VRK2: variants seen among roughly 807,000 people sequenced by gnomAD.
VRK2 encodes the protein serine/threonine-protein kinase VRK2.
VRK2 carries 60 observed loss-of-function variants against 57.6 expected under a neutral mutation model. The ratio of observed to expected loss-of-function variants is 1.04; its 90% CI spans 0.85 to 1.29. VRK2 has a LOEUF of 1.29. Among genes scored for constraint, VRK2 ranks in the 50% most tolerant of loss-of-function variants. The pLI is 0.00. For missense variants in VRK2, 705 were observed against 588.1 expected, an observed-to-expected ratio of 1.20 and a Z score of -2.06; for synonymous variants, 231 against 199.2, an observed-to-expected ratio of 1.16 and a Z score of -1.35.
At chr2:57,949,382 T>C (rs770841851) in intron 1 of VRK2, among the ~76,000 whole-genome samples, 4 of 152,208 alleles carry the variant, frequency 2.6e-5, no homozygotes, top group Non-Finnish European at 4.4e-5. Context: ...TTTCTCTGTA[T>C]CACATTTTGG....
chr2:58,137,098 CAT>C (rs1227537068), intron 10 of VRK2, among the ~76,000 whole-genome samples: 101 of 114,958 alleles, frequency 8.8e-4, no homozygotes, highest in African/African-American at 2.0e-3. Context: ...GTGTATATAT[CAT>C]ATATATAACA....
intron 7 of VRK2, among the ~76,000 whole-genome samples, chr2:58,092,680 A>G (rs986010153): frequency 1.3e-5 from 2 of 151,772 alleles, no homozygotes; most frequent in Admixed American, 6.6e-5. Flanking sequence ...TTTTTTTTCC[A>G]TACTTTAAGT....
chr2:58,147,100 T>C (rs1018313012), intron 12 of VRK2: 2 of 511,126 alleles, frequency 3.9e-6, no homozygotes, highest in Non-Finnish European at 7.8e-6. Flanking sequence ...GTTTACAGTA[T>C]GAAACAGGAT....
intron 1 of VRK2, among the ~76,000 whole-genome samples, chr2:57,916,197 A>G (rs975444415): frequency 2.0e-5 from 3 of 152,102 alleles, no homozygotes; most frequent in Non-Finnish European, 4.4e-5. Context: ...ACTTGAGGTC[A>G]GGAGTTCGAG....
chr2:57,976,737 G>A (rs1000344531), intron 1 of VRK2, among the ~76,000 whole-genome samples: 5 of 152,000 alleles, frequency 3.3e-5, no homozygotes, highest in Non-Finnish European at 5.9e-5. Flanking sequence ...GGTCCCACTT[G>A]TCTACTTTTG....
At chr2:57,908,073 T>A (rs1572846195) in intron 1 of VRK2, among the ~76,000 whole-genome samples, 1 of 152,054 alleles carries the variant, frequency 6.6e-6, no homozygotes, top group East Asian at 1.9e-4. Flanking sequence ...CAAGAGGGGA[T>A]CAAGAGATTT....
At chr2:58,074,482 G>C (rs534048332) in intron 2 of VRK2, among the ~76,000 whole-genome samples, 1 of 151,810 alleles carries the variant, frequency 6.6e-6, no homozygotes, top group Non-Finnish European at 1.5e-5. Flanking sequence ...GGTTGATTTA[G>C]AGTTTGCAGG....
intron 1 of VRK2, among the ~76,000 whole-genome samples, chr2:58,006,769 T>C (rs1426646752): frequency 6.6e-6 from 1 of 152,104 alleles, no homozygotes; most frequent in South Asian, 2.1e-4. Context: ...GGCTATTTAA[T>C]TATGGGTGTT....
At chr2:58,061,273 T>C (rs1213984150) in intron 2 of VRK2, among the ~76,000 whole-genome samples, 1 of 151,814 alleles carries the variant, frequency 6.6e-6, no homozygotes, top group Non-Finnish European at 1.5e-5. Context: ...TAAGTTAGAG[T>C]TTATTAGTGT....
chr2:58,115,981 G>A (rs1676409258), intron 7 of VRK2, among the ~76,000 whole-genome samples: 1 of 152,166 alleles, frequency 6.6e-6, no homozygotes, highest in Non-Finnish European at 1.5e-5. Flanking sequence ...ACCACGGGGT[G>A]GATAGGCAAA....
At chr2:58,122,229 G>C (rs1237100939) in intron 7 of VRK2, among the ~76,000 whole-genome samples, 1 of 152,122 alleles carries the variant, frequency 6.6e-6, no homozygotes, top group Middle Eastern at 3.2e-3. Context: ...TGTTAAAGGA[G>C]ACTCATAACA....
At chr2:57,968,821 A>C (rs745721766) in intron 1 of VRK2, among the ~76,000 whole-genome samples, 20 of 152,116 alleles carry the variant, frequency 1.3e-4, no homozygotes, top group Non-Finnish European at 2.8e-4. Flanking sequence ...AAAACATCAA[A>C]TTCATGGAAT....
intron 7 of VRK2, among the ~76,000 whole-genome samples, chr2:58,104,057 G>A (rs974226793): frequency 1.3e-5 from 2 of 151,552 alleles, no homozygotes; most frequent in African/African-American, 4.8e-5. Flanking sequence ...CAAACCAGAC[G>A]TAGAAGGAAC....
chr2:58,152,037 G>A (rs2104692629), intron 12 of VRK2, among the ~76,000 whole-genome samples: 1 of 151,586 alleles, frequency 6.6e-6, no homozygotes, highest in South Asian at 2.1e-4. Context: ...GAAATATAAT[G>A]CAAGCCACAT....
At chr2:57,930,533 T>C (rs927367312) in intron 1 of VRK2, among the ~76,000 whole-genome samples, 2 of 152,186 alleles carry the variant, frequency 1.3e-5, no homozygotes, top group African/African-American at 4.8e-5. Flanking sequence ...GGTACTTTGA[T>C]TGCTTGCTTG....
At chr2:58,069,529 C>T (rs1287244971) in intron 2 of VRK2, among the ~76,000 whole-genome samples, 1 of 152,034 alleles carries the variant, frequency 6.6e-6, no homozygotes, top group Non-Finnish European at 1.5e-5. Flanking sequence ...TTGCCATGCA[C>T]CTGTGTCTGC....
chr2:58,076,487 A>C (rs7587229), intron 2 of VRK2, among the ~76,000 whole-genome samples: 3,954 of 152,110 alleles, frequency 0.026, 168 homozygotes, highest in African/African-American at 0.091. Context: ...TACTGAATGC[A>C]CAGTGCTTTT....
At position 58,144,184 on chromosome 2, in the gene VRK2, T is replaced by TAAAA. The variant is rs760922312; in HGVS notation, c.1024-2127_1024-2124dup. Among the ~76,000 whole-genome samples the TAAAA allele has an allele frequency of 7.6e-4, 116 of 151,642 alleles. 1 individual carries two copies. Among genetic ancestry groups the TAAAA allele is most frequent in the Non-Finnish European group, 1.3e-3 (85 of 67,784 alleles). ...TATGATCTCATTTATAGGTGGAATC[T>TAAAA]AAAAAAAATAATAAACTTATGAAAG... is the stretch of plus-strand genomic sequence containing the variant. On this transcript the variant is annotated intron_variant, in intron 11 of 12. Coordinates refer to ENST00000340157, the MANE Select transcript of VRK2 (RefSeq NM_006296.7).
At chr2:58,099,936 A>T (rs958946155) in intron 7 of VRK2, among the ~76,000 whole-genome samples, 1 of 152,034 alleles carries the variant, frequency 6.6e-6, no homozygotes, top group African/African-American at 2.4e-5. Flanking sequence ...GTGTTCTCCA[A>T]ATACTTAAAG....
Sources: gnomAD v4.1 joint callset for allele counts (sites outside exome capture counted in the v4.1 genomes callset) on GRCh38, gnomAD v4.1.1 for gene constraint, MANE v1.5 for transcripts, NCBI Gene and HGNC (gene_info 2026-07-23, HGNC 2026-07-21) for gene names.